Variants in CRACR2A observed in about 807,000 individuals in gnomAD.
CRACR2A encodes EF-hand calcium-binding domain-containing protein 4B.
CRACR2A carries 79 observed loss-of-function variants against 90.5 expected under a neutral mutation model. That is an observed-to-expected ratio of 0.87 (90% CI 0.73 to 1.05). CRACR2A has a LOEUF of 1.05. CRACR2A is among the 50% of genes least tolerant of loss of function. The probability of loss-of-function intolerance (pLI) is 0.00; values close to 1 mark genes in which losing one functional copy is unlikely to be tolerated. For missense variants in CRACR2A, 823 were observed against 897.2 expected (o/e 0.92, Z 1.06); for synonymous variants, 338 against 356.7 (o/e 0.95, Z 0.59).
intron 1 of CRACR2A, among the ~76,000 whole-genome samples, chr12:3,740,799 T>A (rs1946513091): frequency 6.6e-6 from 1 of 152,222 alleles, no homozygotes; most frequent in Non-Finnish European, 1.5e-5. Flanking sequence ...TTACTAGCCA[T>A]GTGACCTCGA....
At position 3,679,058 on chromosome 12, in the gene CRACR2A, A is replaced by G; in HGVS notation, c.381T>C (p.Asp127=). The change falls in exon 6 of 20, where the codon GAT becomes GAC. Residue 127 remains aspartate, a synonymous_variant. Transcript: ENST00000440314. The stretch of plus-strand genomic sequence containing the variant: ...GGCGCTGGGCCACCTGTTCACCTGC[A>G]TCTTCCTGACTTGGGTTATTCTGGC... ...FFSQNNPSQE[D]AGEQVAQRHE... is the part of the protein sequence containing the mutation. 6.2e-7 allele frequency: 1 copy of G among 1,613,558 alleles called. No individual in the cohort carries two copies. Among genetic ancestry groups the G allele is most frequent in the Non-Finnish European group, 8.5e-7 (1 of 1,179,802 alleles).
intron 15 of CRACR2A, among the ~76,000 whole-genome samples, chr12:3,630,826 A>C (rs1441548255): frequency 2.6e-5 from 4 of 152,198 alleles, no homozygotes; most frequent in Non-Finnish European, 4.4e-5. Context: ...CACCAGTTGC[A>C]CTGGAGCAAC....
rs548999303 is a variant in CRACR2A at position 3,700,496 on chromosome 12, C to T, written c.-36-3461G>A. ...AAGAAATGTGCTTTACACATAAAGACACAAACTGTTAAAAGTAAAAGGCTG... is the reference window on the plus strand; with the variant it reads ...AAGAAATGTGCTTTACACATAAAGATACAAACTGTTAAAAGTAAAAGGCTG... On this transcript the variant is annotated intron_variant, in intron 3 of 19. Coordinates refer to ENST00000440314, the MANE Select transcript of CRACR2A (RefSeq NM_001144958.2). 2.6e-5 allele frequency among the ~76,000 whole-genome samples: 4 copies of T among 152,244 alleles called. No individual in the cohort carries two copies. In the South Asian group the frequency reaches 8.3e-4, roughly 32 times the overall value.
chr12:3,746,938 G>A lies in CRACR2A; in HGVS notation c.-387+6077C>T, dbSNP rs1275761414. Among the ~76,000 whole-genome samples, 1 of 152,230 alleles carries A rather than the reference G, an allele frequency of 6.6e-6. No homozygotes were observed. The highest frequency in any genetic ancestry group is 2.4e-5 in the African/African-American group (1 of 41,450). On this transcript the variant is annotated intron_variant, in intron 1 of 19. Coordinates refer to ENST00000440314, the MANE Select transcript of CRACR2A (RefSeq NM_001144958.2). This position sits in a 1 kb window ranked among gnomAD's most constrained non-coding sequence, Gnocchi z 4.4. ...CACCATGACCCATGGGATCACATGT[G>A]CGTGGACCACGTGCTTCCTCACATC... is the stretch of plus-strand genomic sequence containing the variant.
At chr12:3,616,732 G>C (rs539369024) in intron 19 of CRACR2A, among the ~76,000 whole-genome samples, 1 of 152,318 alleles carries the variant, frequency 6.6e-6, no homozygotes, top group South Asian at 2.1e-4. Flanking sequence ...TGACAGGTAG[G>C]GATGCTTTCT....
chr12:3,739,224 G>A (rs2137888930), intron 1 of CRACR2A, among the ~76,000 whole-genome samples: 1 of 152,362 alleles, frequency 6.6e-6, no homozygotes, highest in South Asian at 2.1e-4. Context: ...TTGGTAGTCA[G>A]ACATGCTTAT....
chr12:3,666,766 T>C (rs954636681), intron 7 of CRACR2A, among the ~76,000 whole-genome samples: 21 of 152,222 alleles, frequency 1.4e-4, no homozygotes, highest in Non-Finnish European at 1.5e-5. Context: ...TTTTCCTGCT[T>C]TTTCTCTCCT....
At position 3,696,784 on chromosome 12, in the gene CRACR2A, C is replaced by T. The variant is rs773694695; in HGVS notation, c.216G>A (p.Arg72=). Reference sequence around the variant, plus strand: ...GGACCCCACTTACCTGCATATCCTTCCTGGCGATGAAGCCCTTGCCTTCAG... The same window carrying T: ...GGACCCCACTTACCTGCATATCCTTTCTGGCGATGAAGCCCTTGCCTTCAG... ...CDAEGKGFIA[R]KDMQRLHKEL... is the part of the protein sequence containing the mutation. Residue 72 remains arginine (R), a synonymous_variant, in exon 4 of 20, where the codon AGG becomes AGA. Coordinates refer to ENST00000440314, the MANE Select transcript of CRACR2A (RefSeq NM_001144958.2). 3 of 1,614,196 alleles carry T rather than the reference C, an allele frequency of 1.9e-6. No individual in the cohort carries two copies. The highest frequency in any genetic ancestry group is 2.5e-6 in the Non-Finnish European group (3 of 1,180,042).
At position 3,641,752 on chromosome 12, in the gene CRACR2A, G is replaced by A; in HGVS notation, c.1251C>T (p.Asp417=). The change falls in exon 13 of 20, where the codon GAC becomes GAT. Residue 417 remains aspartate, a synonymous_variant. Coordinates refer to ENST00000440314, the MANE Select transcript of CRACR2A (RefSeq NM_001144958.2). ...CTTACCTCCTAAGAATCCCTCTGCT[G>A]TCCACATATTTGCCTATCACAGAGC... ...RSGSVIGKYV[D]SRGILRSQSE... The A allele has an allele frequency of 6.4e-7, 1 of 1,551,698 alleles. No individual in the cohort carries two copies. Among genetic ancestry groups the A allele is most frequent in the Non-Finnish European group, 8.7e-7 (1 of 1,146,968 alleles).
chr12:3,625,024 T>A (rs538880434), intron 17 of CRACR2A, among the ~76,000 whole-genome samples: 2 of 152,166 alleles, frequency 1.3e-5, no homozygotes, highest in African/African-American at 4.8e-5. Flanking sequence ...CCACGTGTGA[T>A]CCTGATGTTC....
chr12:3,736,814 G>A (rs1946457053), intron 1 of CRACR2A, among the ~76,000 whole-genome samples: 1 of 152,226 alleles, frequency 6.6e-6, no homozygotes, highest in Non-Finnish European at 1.5e-5. Flanking sequence ...AAATGTTGTA[G>A]ACACGTCAGA....
chr12:3,675,457 C>G (rs974044287), intron 6 of CRACR2A, among the ~76,000 whole-genome samples: 1 of 152,146 alleles, frequency 6.6e-6, no homozygotes, highest in Admixed American at 6.6e-5. Context: ...GTGATTAGAT[C>G]ATGAAGGCAG....
At chr12:3,751,199 G>A (rs1184124444) in intron 1 of CRACR2A, among the ~76,000 whole-genome samples, 1 of 152,170 alleles carries the variant, frequency 6.6e-6, no homozygotes, top group African/African-American at 2.4e-5. Context: ...GTTGTCAGGA[G>A]GATTAAATGA....
chr12:3,645,344 G>T (rs1944664054), intron 11 of CRACR2A, among the ~76,000 whole-genome samples: 1 of 152,240 alleles, frequency 6.6e-6, no homozygotes, highest in Admixed American at 6.5e-5. Flanking sequence ...TACACCTAGT[G>T]TGAGCAAGAA....
chr12:3,751,055 T>C (rs955508948), intron 1 of CRACR2A, among the ~76,000 whole-genome samples: 6 of 152,290 alleles, frequency 3.9e-5, no homozygotes, highest in Admixed American at 1.3e-4. Flanking sequence ...CCAGATTGCA[T>C]CTACTCCATT....
At chr12:3,655,620 A>AC (rs1320918936) in intron 9 of CRACR2A, among the ~76,000 whole-genome samples, 1 of 152,200 alleles carries the variant, frequency 6.6e-6, no homozygotes, top group East Asian at 1.9e-4. Context: ...AGTGGAGGCC[A>AC]CTAAGTAGGA....
At chr12:3,708,894 CTA>C (rs1945970580) in intron 3 of CRACR2A, among the ~76,000 whole-genome samples, 1 of 152,194 alleles carries the variant, frequency 6.6e-6, no homozygotes, top group African/African-American at 2.4e-5. Context: ...ACCTAAATAT[CTA>C]TGTTTTCTGT....
intron 2 of CRACR2A, chr12:3,731,837 G>A (rs540148964): frequency 6.6e-6 from 1 of 152,452 alleles, no homozygotes; most frequent in African/African-American, 2.4e-5. Flanking sequence ...GGCAGGGATT[G>A]GAGTGACGCA....
Position 3,679,115 on chromosome 12 carries a change from A to G in CRACR2A, c.341-17T>C. On this transcript the variant is annotated splice_polypyrimidine_tract_variant and intron_variant, in intron 5 of 19. Coordinates refer to ENST00000440314, the MANE Select transcript of CRACR2A (RefSeq NM_001144958.2). The stretch of plus-strand genomic sequence containing the variant: ...AGAAGTGACCTGGGGGGTGCAGGGC[A>G]CAAGGATCCGAATTAGACCATACCC... 1.9e-6 allele frequency: 3 copies of G among 1,605,328 alleles called. No homozygotes were observed. The highest frequency in any genetic ancestry group is 2.6e-6 in the Non-Finnish European group (3 of 1,176,310).
Sources: gnomAD v4.1 joint callset for allele counts (sites outside exome capture counted in the v4.1 genomes callset) on GRCh38, gnomAD v4.1.1 for gene constraint, Gnocchi (gnomAD v3.1) non-coding constraint, MANE v1.5 for transcripts, NCBI Gene and HGNC (gene_info 2026-07-23, HGNC 2026-07-21) for gene names.